The following MZT1 variants were observed in gnomAD, a reference collection of about 807,000 sequenced individuals.
The protein encoded by MZT1 is mitotic-spindle organizing protein 1.
A neutral mutation model predicts 8.5 loss-of-function variants in MZT1; 8 were observed. The observed-to-expected ratio is 0.94, with a 90% CI of 0.55 to 1.70. The LOEUF is 1.70. Ranked by LOEUF, MZT1 falls within the 40% of genes most tolerant of loss-of-function variation. MZT1 has a pLI of 0.00. For missense variants in MZT1, 93 were observed against 108.6 expected (o/e 0.86, Z 0.64); for synonymous variants, 38 against 42.0 (o/e 0.90, Z 0.37).
intron 1 of MZT1, 98 bp from the exon 2 acceptor site, chr13:72,719,195 C>A: frequency 3.1e-6 from 3 of 956,520 alleles, no homozygotes; most frequent in Non-Finnish European, 4.3e-6. Flanking sequence ...TGCACAATAC[C>A]AAGGAATTAG....
At chr13:72,711,063 T>C (rs1318801648) in intron 2 of MZT1, among the ~76,000 whole-genome samples, 1 of 152,178 alleles carries the variant, frequency 6.6e-6, no homozygotes, top group Non-Finnish European at 1.5e-5. Flanking sequence ...ACTAAAGTAT[T>C]AGTAACAGTA....
intron 2 of MZT1, among the ~76,000 whole-genome samples, chr13:72,713,377 C>T (rs1332530669): frequency 6.6e-6 from 1 of 152,092 alleles, no homozygotes. Context: ...TTGTTAGTTC[C>T]AGGACTCCCC....
rs1375149626 is a variant in MZT1 at position 72,714,738 on chromosome 13, C to T, written c.225+4214G>A. Among the ~76,000 whole-genome samples, 3 of 152,224 alleles carry T rather than the reference C, an allele frequency of 2.0e-5. No homozygotes were observed. The East Asian group carries it at 5.8e-4, about 29-fold the overall frequency. Reference sequence around the variant, plus strand: ...GCTTCAGAGGATCCAAGACATAAGCCTTGGTGACTTTCATGTGGTGTCAAG... The same window carrying T: ...GCTTCAGAGGATCCAAGACATAAGCTTTGGTGACTTTCATGTGGTGTCAAG... On this transcript the variant is annotated intron_variant, in intron 2 of 2. Transcript: ENST00000377818.
intron 1 of MZT1, among the ~76,000 whole-genome samples, chr13:72,725,016 A>C (rs370203823): frequency 1.3e-4 from 19 of 149,702 alleles, no homozygotes; most frequent in African/African-American, 4.7e-4. Flanking sequence ...CAGTGAGCCA[A>C]GGTCGCGCCA....
Position 72,718,978 on chromosome 13 carries a change from G to A in MZT1, c.199C>T (p.Leu67Phe), listed in dbSNP as rs1432990874. The change falls in exon 2 of 3, where the codon CTT becomes TTT. Residue 67 changes from leucine (L) to phenylalanine (F), a missense_variant. Physicochemically the swap from Leu to Phe is conservative, Grantham distance 22. Transcript: ENST00000377818. ...PEALSSVIKE[L>F]RKATEALKAA... ...TTCAGTGCTTCAGTAGCCTTGCGAA[G>A]CTCCTTAATAACCGATGATAAAGCT... 4 of 1,579,502 alleles carry A rather than the reference G, an allele frequency of 2.5e-6. No homozygotes were observed. The highest frequency in any genetic ancestry group is 3.4e-6 in the Non-Finnish European group (4 of 1,168,176).
intron 1 of MZT1, among the ~76,000 whole-genome samples, chr13:72,726,573 TCAAA>T (rs1433546864): frequency 2.6e-5 from 4 of 151,746 alleles, no homozygotes; most frequent in African/African-American, 9.7e-5. Flanking sequence ...ACAACATCGA[TCAAA>T]CACTCATAAT....
intron 1 of MZT1, among the ~76,000 whole-genome samples, chr13:72,726,403 C>T (rs2032657872): frequency 6.6e-6 from 1 of 152,072 alleles, no homozygotes; most frequent in South Asian, 2.1e-4. Flanking sequence ...TGCACTCCAC[C>T]CTGGGCAACT....
chr13:72,713,970 C>T (rs2032511397), intron 2 of MZT1, among the ~76,000 whole-genome samples: 1 of 152,060 alleles, frequency 6.6e-6, no homozygotes, highest in Admixed American at 6.6e-5. Context: ...TTTCTTTCTG[C>T]CATATGAAAG....
At chr13:72,719,726 A>C (rs2032575188) in intron 1 of MZT1, among the ~76,000 whole-genome samples, 1 of 152,224 alleles carries the variant, frequency 6.6e-6, no homozygotes, top group South Asian at 2.1e-4. Context: ...TGTCTGTTGA[A>C]TCTAATAATA....
chr13:72,712,973 T>G (rs2032502483), intron 2 of MZT1, among the ~76,000 whole-genome samples: 1 of 152,230 alleles, frequency 6.6e-6, no homozygotes, highest in African/African-American at 2.4e-5. Flanking sequence ...CATTTTTATT[T>G]TTATTAAAAG....
intron 1 of MZT1, among the ~76,000 whole-genome samples, chr13:72,724,737 T>C (rs1396965484): frequency 2.5e-4 from 9 of 36,078 alleles, no homozygotes; most frequent in African/African-American, 4.5e-4. Flanking sequence ...TATATATATA[T>C]ATACACATAT....
At position 72,727,589 on chromosome 13, in the gene MZT1, C is replaced by T. The variant is rs745918229; in HGVS notation, c.14G>A (p.Ser5Asn). The T allele has an allele frequency of 1.9e-6, 3 of 1,603,542 alleles. No homozygotes were observed. The highest frequency in any genetic ancestry group is 2.6e-6 in the Non-Finnish European group (3 of 1,174,972). Reference sequence around the variant, plus strand: ...GGCCGCCGCCGCCGCCCCAGCACCGCTGCTACTCGCCATGGCTAAGGCCGA... The same window carrying T: ...GGCCGCCGCCGCCGCCCCAGCACCGTTGCTACTCGCCATGGCTAAGGCCGA... The part of the protein sequence containing the change: MASS[S>N]GAGAAAAAAA... The change falls in exon 1 of 3, where the codon AGC becomes AAC. Residue 5 changes from serine (S) to asparagine (N), a missense_variant. By Grantham distance (46) the Ser-to-Asn change is conservative. Coordinates refer to ENST00000377818, the MANE Select transcript of MZT1 (RefSeq NM_001071775.3).
At chr13:72,723,525 G>T (rs910495967) in intron 1 of MZT1, among the ~76,000 whole-genome samples, 53 of 151,978 alleles carry the variant, frequency 3.5e-4, no homozygotes, top group Admixed American at 3.4e-3. Context: ...ATCCCTGAGG[G>T]AAAAAACCAA....
rs914351567 is a variant in MZT1 at position 72,727,609 on chromosome 13, G to A, written c.-7C>T. 5 of 1,586,350 alleles carry A rather than the reference G, an allele frequency of 3.2e-6. No homozygotes were observed. The African/African-American group carries it at 4.0e-5, about 13-fold the overall frequency. On this transcript the variant is annotated 5_prime_UTR_variant, in exon 1 of 3. Transcript: ENST00000377818. Reference sequence around the variant, plus strand: ...CACCGCTGCTACTCGCCATGGCTAAGGCCGAGGGAGGCGGGAGAAGGGCCT... The same window carrying A: ...CACCGCTGCTACTCGCCATGGCTAAAGCCGAGGGAGGCGGGAGAAGGGCCT...
At chr13:72,725,376 A>G (rs973099294) in intron 1 of MZT1, among the ~76,000 whole-genome samples, 6 of 152,134 alleles carry the variant, frequency 3.9e-5, no homozygotes, top group Admixed American at 3.9e-4. Flanking sequence ...GTGCACAGAT[A>G]ATTTATTAAT....
rs76056575 is a variant in MZT1 at position 72,721,860 on chromosome 13, C to G, written c.80-2763G>C. Among the ~76,000 whole-genome samples, 265 of 152,328 alleles carry G rather than the reference C, an allele frequency of 1.7e-3. 7 individuals carry two copies. In the East Asian group the frequency reaches 0.047, roughly 27 times the overall value. On this transcript the variant is annotated intron_variant, in intron 1 of 2. Coordinates refer to ENST00000377818, the MANE Select transcript of MZT1 (RefSeq NM_001071775.3). ...TCTTGGCTGGAAGATGACAGCTCTT[C>G]CCATTTTCATTTCTTCAGTTTTGAT...
intron 1 of MZT1, among the ~76,000 whole-genome samples, chr13:72,720,946 T>A (rs374639766): frequency 7.2e-6 from 1 of 138,704 alleles, no homozygotes; most frequent in Non-Finnish European, 1.6e-5. Context: ...AAAAAAAAAA[T>A]GTCTTTCATG....
chr13:72,714,189 G>C (rs2032513667), intron 2 of MZT1, among the ~76,000 whole-genome samples: 2 of 152,198 alleles, frequency 1.3e-5, no homozygotes, highest in Admixed American at 1.3e-4. Flanking sequence ...TTGTGCCCAT[G>C]TCCTAGGGAT....
intron 1 of MZT1, among the ~76,000 whole-genome samples, chr13:72,724,625 G>A (rs1164612804): frequency 2.3e-5 from 3 of 129,172 alleles, no homozygotes; most frequent in South Asian, 2.6e-4. Flanking sequence ...GACAACCTTC[G>A]CCTCCCAGGT....
Sources: allele counts gnomAD v4.1 joint callset (sites outside exome capture counted in the v4.1 genomes callset), GRCh38; gene constraint gnomAD v4.1.1; transcripts MANE v1.5; gene names NCBI Gene and HGNC (gene_info 2026-07-23, HGNC 2026-07-21).